Variants in ALDH1L2 observed in about 807,000 individuals in gnomAD.
ALDH1L2 encodes mitochondrial 10-formyltetrahydrofolate dehydrogenase.
ALDH1L2 carries 91 observed loss-of-function variants against 111.0 expected under a neutral mutation model. The ratio of observed to expected loss-of-function variants is 0.82; its 90% CI spans 0.69 to 0.98. The LOEUF is 0.98. Among genes scored for constraint, ALDH1L2 ranks in the 50% least tolerant of loss-of-function variants. The probability of loss-of-function intolerance (pLI) is 0.00; values close to 1 mark genes in which losing one functional copy is unlikely to be tolerated. For missense variants in ALDH1L2, 995 were observed against 1,126.8 expected (o/e 0.88, Z 1.67); for synonymous variants, 374 against 392.6 (o/e 0.95, Z 0.56).
rs753519926 is a variant in ALDH1L2 at position 105,046,732 on chromosome 12, G to A, written c.1841C>T (p.Thr614Ile). 3 of 1,613,982 alleles carry A rather than the reference G, an allele frequency of 1.9e-6. No individual in the cohort carries two copies. Among genetic ancestry groups the A allele is most frequent in the African/African-American group, 1.3e-5 (1 of 74,910 alleles). Residue 614 changes from threonine to isoleucine, a missense_variant, in exon 15 of 23, where the codon ACC (threonine) becomes ATC (isoleucine). Coordinates refer to ENST00000258494, the MANE Select transcript of ALDH1L2 (RefSeq NM_001034173.4). ...KSAACLAAGN[T>I]LVLKPAQVTP... ...TACCTGTGCTGGCTTGAGCACTAAG[G>A]TATTGCCTGCTGCCAAACACGCAGC...
chr12:105,042,276 TC>T (rs1251199709), intron 15 of ALDH1L2, among the ~76,000 whole-genome samples: 6 of 152,260 alleles, frequency 3.9e-5, no homozygotes, highest in African/African-American at 1.4e-4. Context: ...GAGACATGGC[TC>T]CCATTATCCA....
At chr12:105,040,827 A>G (rs770575214) in intron 15 of ALDH1L2, 133 bp from the exon 16 acceptor site, 47 of 723,910 alleles carry the variant, frequency 6.5e-5, no homozygotes, top group Non-Finnish European at 1.0e-4. Flanking sequence ...TTTTTGCCAT[A>G]ATTTCAGACT....
chr12:105,081,361 G>A (rs556321547), intron 1 of ALDH1L2, among the ~76,000 whole-genome samples: 3 of 152,234 alleles, frequency 2.0e-5, no homozygotes, highest in East Asian at 1.9e-4. Context: ...AGCAGAGGTC[G>A]GGCAATGATG....
At chr12:105,029,092 T>C (rs1185084168) in intron 21 of ALDH1L2, among the ~76,000 whole-genome samples, 1 of 149,394 alleles carries the variant, frequency 6.7e-6, no homozygotes, top group Non-Finnish European at 1.5e-5. Context: ...AGTGGCACAA[T>C]CATAGCTCAC....
At chr12:105,056,706 T>C (rs1565962894) in intron 10 of ALDH1L2, among the ~76,000 whole-genome samples, 1 of 151,702 alleles carries the variant, frequency 6.6e-6, no homozygotes, top group East Asian at 1.9e-4. Flanking sequence ...TCATCTGAAC[T>C]AGATCATTTT....
intron 21 of ALDH1L2, 176 bp downstream of exon 21, chr12:105,030,148 A>G (rs760899793): frequency 2.3e-6 from 1 of 425,930 alleles, no homozygotes; most frequent in Non-Finnish European, 3.9e-6. Flanking sequence ...AAGCAAAAAT[A>G]TACTATGATC....
chr12:105,074,129 C>G, intron 1 of ALDH1L2, 124 bp from the exon 2 acceptor site: 1 of 1,213,750 alleles, frequency 8.2e-7, no homozygotes, highest in South Asian at 1.5e-5. Flanking sequence ...CACCAAAAGC[C>G]CAGACTTCAC....
At chr12:105,035,385 G>A (rs748425300) in intron 18 of ALDH1L2, among the ~76,000 whole-genome samples, 14 of 151,974 alleles carry the variant, frequency 9.2e-5, no homozygotes, top group African/African-American at 2.7e-4. Flanking sequence ...GTGCAGTGGC[G>A]TGATCATGGC....
At chr12:105,054,059 A>G (rs983407156) in intron 10 of ALDH1L2, among the ~76,000 whole-genome samples, 3 of 152,094 alleles carry the variant, frequency 2.0e-5, no homozygotes, top group African/African-American at 7.2e-5. Context: ...GGTAAAAATA[A>G]TGGAGGAAAT....
At chr12:105,054,730 A>G (rs1231057201) in intron 10 of ALDH1L2, among the ~76,000 whole-genome samples, 1 of 152,152 alleles carries the variant, frequency 6.6e-6, no homozygotes, top group Admixed American at 6.5e-5. Context: ...GCTGGAGTGT[A>G]GTGGCTATTC....
chr12:105,030,534 C>A, intron 20 of ALDH1L2, 105 bp from the exon 21 acceptor site: 1 of 867,760 alleles, frequency 1.2e-6, no homozygotes, highest in South Asian at 2.7e-5. Context: ...CCCTCTGGCC[C>A]AGTAAAACCA....
chr12:105,054,160 T>C (rs1876471226), intron 10 of ALDH1L2, among the ~76,000 whole-genome samples: 1 of 152,206 alleles, frequency 6.6e-6, no homozygotes, highest in African/African-American at 2.4e-5. Context: ...GTCACACAGC[T>C]AGTAAGCCAT....
chr12:105,035,457 G>T (rs1874933547), intron 18 of ALDH1L2, among the ~76,000 whole-genome samples: 1 of 151,168 alleles, frequency 6.6e-6, no homozygotes, highest in African/African-American at 2.4e-5. Flanking sequence ...CTAGTAGCTG[G>T]GGCCACAGGT....
At chr12:105,069,957 G>A (rs1156427405) in intron 3 of ALDH1L2, among the ~76,000 whole-genome samples, 1 of 152,166 alleles carries the variant, frequency 6.6e-6, no homozygotes, top group Non-Finnish European at 1.5e-5. Context: ...ATCATTTCAA[G>A]TAATTACTTG....
intron 5 of ALDH1L2, 27 bp downstream of exon 5, chr12:105,066,541 C>A: frequency 6.3e-7 from 1 of 1,590,886 alleles, no homozygotes; most frequent in Non-Finnish European, 8.6e-7. Flanking sequence ...AACTCTGAGA[C>A]GTGTTATTGA....
chr12:105,071,408 A>C (rs1436731758), intron 2 of ALDH1L2, among the ~76,000 whole-genome samples: 1 of 151,860 alleles, frequency 6.6e-6, no homozygotes, highest in Admixed American at 6.6e-5. Flanking sequence ...GGCCTCACTA[A>C]GCAGACCAGG....
At chr12:105,053,456 G>A (rs1471959566) in intron 10 of ALDH1L2, among the ~76,000 whole-genome samples, 2 of 152,168 alleles carry the variant, frequency 1.3e-5, no homozygotes, top group African/African-American at 4.8e-5. Flanking sequence ...CTTTGATGAG[G>A]CTCAGTTTTT....
At chr12:105,071,644 T>TATATATA (rs56181175) in intron 2 of ALDH1L2, among the ~76,000 whole-genome samples, 1 of 11,566 alleles carries the variant, frequency 8.6e-5, no homozygotes, top group Non-Finnish European at 1.5e-4. Context: ...ATATATATAT[T>TATATATA]TTTTTTTTTT....
At chr12:105,075,040 G>T (rs1318647680) in intron 1 of ALDH1L2, among the ~76,000 whole-genome samples, 1 of 152,196 alleles carries the variant, frequency 6.6e-6, no homozygotes, top group Non-Finnish European at 1.5e-5. Context: ...TGTCCTATAT[G>T]CTATCTTCAA....
Sources: gnomAD v4.1 joint callset for allele counts (sites outside exome capture counted in the v4.1 genomes callset) on GRCh38, gnomAD v4.1.1 for gene constraint, MANE v1.5 for transcripts, NCBI Gene and HGNC (gene_info 2026-07-23, HGNC 2026-07-21) for gene names.